Variants in PLEKHA6 observed in about 807,000 individuals in gnomAD.
PLEKHA6 encodes pleckstrin homology domain containing A6.
In PLEKHA6, 60 loss-of-function variants were observed where a neutral mutation model predicts 116.7. The observed-to-expected ratio is 0.51, with a 90% CI of 0.42 to 0.64. The LOEUF is 0.64. Ranked by LOEUF, PLEKHA6 falls within the 30% of genes least tolerant of loss-of-function variation. The pLI is 0.00. For synonymous variants in PLEKHA6, 489 were observed against 556.1 expected (o/e 0.88, Z 1.70); for missense variants, 1,338 against 1,422.7 (o/e 0.94, Z 0.96).
intron 1 of PLEKHA6, among the ~76,000 whole-genome samples, chr1:204,354,015 C>T (rs760920325): frequency 6.6e-5 from 10 of 152,190 alleles, no homozygotes; most frequent in Non-Finnish European, 1.5e-4. Context: ...AGAACAATGA[C>T]CGCACCACCT....
chr1:204,284,076 CCGGGAT>C (rs1375740665), intron 1 of PLEKHA6, among the ~76,000 whole-genome samples: 7 of 152,218 alleles, frequency 4.6e-5, no homozygotes, highest in South Asian at 2.1e-4. Context: ...ATCCCTCTCG[CCGGGAT>C]CAGTGTGCAC....
At chr1:204,311,016 T>A (rs1192662799) in intron 1 of PLEKHA6, among the ~76,000 whole-genome samples, 5 of 152,120 alleles carry the variant, frequency 3.3e-5, no homozygotes, top group Admixed American at 1.3e-4. Flanking sequence ...GATTTGGTGA[T>A]CCCAGAATGA....
Position 204,261,518 on chromosome 1 carries a change from G to C in PLEKHA6, c.382-70C>G, listed in dbSNP as rs149962858. On this transcript the variant is annotated intron_variant, in intron 6 of 22. Transcript: ENST00000272203. This position sits in a 1 kb window ranked among gnomAD's most constrained non-coding sequence, Gnocchi z 4.0. ...CCCAGCACACAGTCACCTGTTGGGA[G>C]AAGACACCAACGCCCACAGAATGGG... 159 of 1,497,696 alleles carry C rather than the reference G, an allele frequency of 1.1e-4. No individual in the cohort carries two copies. The East Asian group carries it at 3.6e-3, about 34-fold the overall frequency. 92.8% of individuals were successfully genotyped at this position (1,497,696 alleles called of 1,614,324 possible). A position where few individuals can be genotyped will look rare whatever the true frequency, so the allele number is the denominator to read the frequency against.
intron 2 of PLEKHA6, among the ~76,000 whole-genome samples, chr1:204,370,472 T>C (rs1426946354): frequency 1.3e-5 from 2 of 152,230 alleles, no homozygotes; most frequent in African/African-American, 4.8e-5. Flanking sequence ...TACTGGCCCG[T>C]GGTGGCGTCA....
intron 1 of PLEKHA6, among the ~76,000 whole-genome samples, chr1:204,327,481 C>G (rs1330518984): frequency 2.0e-5 from 3 of 152,272 alleles, no homozygotes; most frequent in African/African-American, 7.2e-5. Flanking sequence ...GGAGCCCCTT[C>G]TTGGCCTGCA....
chr1:204,242,759 A>T (rs773463453), intron 15 of PLEKHA6, among the ~76,000 whole-genome samples: 4 of 152,150 alleles, frequency 2.6e-5, no homozygotes, highest in Non-Finnish European at 4.4e-5. Flanking sequence ...ACACGAAGGG[A>T]TCGGAATGGC....
intron 2 of PLEKHA6, chr1:204,368,927 C>T (rs1210490874): frequency 6.6e-6 from 1 of 152,232 alleles, no homozygotes; most frequent in Non-Finnish European, 1.5e-5. Flanking sequence ...CTGACTGTCT[C>T]CTGCCATGTT....
At chr1:204,351,495 C>T (rs886546790) in intron 1 of PLEKHA6, among the ~76,000 whole-genome samples, 27 of 152,202 alleles carry the variant, frequency 1.8e-4, no homozygotes, top group African/African-American at 6.3e-4. Flanking sequence ...CAGGAGTCCA[C>T]ACATATGCAA....
intron 21 of PLEKHA6, 84 bp downstream of exon 21, chr1:204,227,999 C>T (rs1042025751): frequency 5.7e-5 from 79 of 1,385,984 alleles, no homozygotes; most frequent in Non-Finnish European, 7.3e-5. Flanking sequence ...CTACTGCCCC[C>T]CTTGTAGCAG....
chr1:204,278,837 C>A (rs142838027), intron 1 of PLEKHA6, among the ~76,000 whole-genome samples: 4 of 152,252 alleles, frequency 2.6e-5, no homozygotes, highest in Admixed American at 6.5e-5. Flanking sequence ...ATAACAGGTG[C>A]TCGATAAATA....
chr1:204,269,565 C>A (rs1667235362), intron 3 of PLEKHA6, among the ~76,000 whole-genome samples: 1 of 151,518 alleles, frequency 6.6e-6, no homozygotes, highest in Non-Finnish European at 1.5e-5. Context: ...CCTTCCCAGC[C>A]CCCCGACCTC....
chr1:204,268,048 C>T (rs1667028577), intron 4 of PLEKHA6, among the ~76,000 whole-genome samples, 160 bp downstream of exon 4: 1 of 152,124 alleles, frequency 6.6e-6, no homozygotes, highest in Non-Finnish European at 1.5e-5. Context: ...TGGGAAGATA[C>T]TCAGTTTCTC....
In PLEKHA6 at chr1:204,223,195, ATTCCCT is replaced by A. The variant is rs1659855694; in HGVS notation, c.*8+261_*8+266del. ...AGCAGACAGGTGAGGTCTCGGCTCC[ATTCCCT>A]GCCTGCTTCTGGAGAAGCAAAGGCC... On this transcript the variant is annotated intron_variant, in intron 22 of 22. Coordinates refer to ENST00000272203, the MANE Select transcript of PLEKHA6 (RefSeq NM_014935.5). The surrounding 1 kb of genome is among the most constrained non-coding windows in gnomAD (Gnocchi z 4.8). Among the ~76,000 whole-genome samples the A allele has an allele frequency of 6.6e-6, 1 of 151,972 alleles. No individual in the cohort carries two copies. The highest frequency in any genetic ancestry group is 2.4e-5 in the African/African-American group (1 of 41,368).
At chr1:204,293,839 G>A (rs80168019) in intron 1 of PLEKHA6, among the ~76,000 whole-genome samples, 1,578 of 152,274 alleles carry the variant, frequency 0.01, 36 homozygotes, top group African/African-American at 0.035. Context: ...AGGATCCTGT[G>A]CTCTTTAAGA....
intron 8 of PLEKHA6, among the ~76,000 whole-genome samples, chr1:204,258,941 T>C (rs1424130573): frequency 6.6e-6 from 1 of 152,184 alleles, no homozygotes. Flanking sequence ...CTATAACAAC[T>C]TCAGGCCCCC....
chr1:204,304,341 G>A (rs1671092272), intron 1 of PLEKHA6, among the ~76,000 whole-genome samples: 1 of 152,178 alleles, frequency 6.6e-6, no homozygotes, highest in Non-Finnish European at 1.5e-5. Flanking sequence ...CACAAAGTAA[G>A]AATGGAGAAA....
chr1:204,259,532 G>C lies in PLEKHA6; in HGVS notation c.733C>G (p.Pro245Ala). 1 of 1,614,068 alleles carries C rather than the reference G, an allele frequency of 6.2e-7. No homozygotes were observed. Among genetic ancestry groups the C allele is most frequent in the South Asian group, 1.1e-5 (1 of 91,080 alleles). ...KANGLPAGPE[P>A]ASEPGSPYPE... ...TAAGGGCTGCCCGGCTCTGAGGCTG[G>C]CTCCGGTCCAGCTGGGAGGCCATTG... is the stretch of plus-strand genomic sequence containing the variant. The change falls in exon 8 of 23, where the codon CCA (proline) becomes GCA (alanine). Residue 245 changes from proline to alanine, a missense_variant. Around this residue, in one of 3 missense-constraint regions of PLEKHA6, gnomAD observed 1,136 missense variants for 1,163.6 expected, o/e 0.98. Transcript: ENST00000272203. The surrounding 1 kb of genome is among the most constrained non-coding windows in gnomAD (Gnocchi z 4.6).
intron 1 of PLEKHA6, among the ~76,000 whole-genome samples, chr1:204,319,354 G>A (rs191972540): frequency 1.3e-5 from 2 of 152,172 alleles, no homozygotes; most frequent in African/African-American, 4.8e-5. Context: ...CCTCATACTG[G>A]GTACAACCCA....
intron 1 of PLEKHA6, among the ~76,000 whole-genome samples, chr1:204,343,157 C>T (rs1672906931): frequency 6.6e-6 from 1 of 152,076 alleles, no homozygotes; most frequent in African/African-American, 2.4e-5. Flanking sequence ...ATTTAAACAC[C>T]AGTGATTTGC....
Sources: allele counts gnomAD v4.1 joint callset (sites outside exome capture counted in the v4.1 genomes callset), GRCh38; gene constraint gnomAD v4.1.1; regional missense constraint gnomAD v4.1.1; non-coding constraint Gnocchi (gnomAD v3.1); transcripts MANE v1.5; gene names NCBI Gene and HGNC (gene_info 2026-07-23, HGNC 2026-07-21).